The following TENM4 variants were observed in gnomAD, a reference collection of about 807,000 sequenced individuals.
TENM4 encodes teneurin-4.
A neutral mutation model predicts 243.3 loss-of-function variants in TENM4; 82 were observed. The ratio of observed to expected loss-of-function variants is 0.34; its 90% CI spans 0.28 to 0.40. The LOEUF is 0.40. Among genes scored for constraint, TENM4 ranks in the 10% least tolerant of loss-of-function variants. TENM4 has a pLI of 1.00. For synonymous variants in TENM4, 1,412 were observed against 1,456.3 expected, an observed-to-expected ratio of 0.97 and a Z score of 0.69; for missense variants, 3,138 against 3,673.3, an observed-to-expected ratio of 0.85 and a Z score of 3.77.
intron 19 of TENM4, among the ~76,000 whole-genome samples, chr11:78,745,162 T>C (rs189826147): frequency 1.3e-5 from 2 of 151,892 alleles, no homozygotes; most frequent in Non-Finnish European, 2.9e-5. Context: ...TATTACATCA[T>C]AATACACAAT....
intron 2 of TENM4, among the ~76,000 whole-genome samples, chr11:79,224,356 C>T (rs776670907): frequency 3.9e-5 from 6 of 152,058 alleles, no homozygotes; most frequent in Non-Finnish European, 7.4e-5. Context: ...TTGAGGAGAC[C>T]AGAACCTGAT....
chr11:79,348,580 G>C (rs1015546752), intron 1 of TENM4, among the ~76,000 whole-genome samples: 1 of 152,180 alleles, frequency 6.6e-6, no homozygotes, highest in African/African-American at 2.4e-5. Context: ...ATTAGGGTTA[G>C]ATTAGGTCAT....
chr11:79,242,326 G>C (rs1430271555), intron 2 of TENM4, among the ~76,000 whole-genome samples: 1 of 151,996 alleles, frequency 6.6e-6, no homozygotes, highest in East Asian at 1.9e-4. Flanking sequence ...CATTGCCTGT[G>C]AGGCTTAAAT....
intron 6 of TENM4, among the ~76,000 whole-genome samples, chr11:79,061,409 C>T (rs1410779966): frequency 6.6e-6 from 1 of 152,090 alleles, no homozygotes; most frequent in Admixed American, 6.6e-5. Context: ...ACCCGTCTAC[C>T]CTGAGTACAG....
chr11:78,860,109 T>C (rs1858780157), intron 10 of TENM4, among the ~76,000 whole-genome samples: 1 of 152,216 alleles, frequency 6.6e-6, no homozygotes, highest in Admixed American at 6.5e-5. Context: ...AAATAAGAAA[T>C]ATATATTCTT....
At chr11:79,141,289 T>A (rs1862279983) in intron 4 of TENM4, among the ~76,000 whole-genome samples, 1 of 151,800 alleles carries the variant, frequency 6.6e-6, no homozygotes, top group Admixed American at 6.6e-5. Context: ...CCAAATAAAA[T>A]CAGAGATGAA....
intron 3 of TENM4, among the ~76,000 whole-genome samples, chr11:79,192,140 G>A (rs1863521945): frequency 2.0e-5 from 3 of 149,528 alleles, no homozygotes; most frequent in Admixed American, 1.3e-4. Flanking sequence ...CCGGGAGGGA[G>A]GTGGGGGGGT....
At chr11:79,347,654 A>C (rs1176720773) in intron 1 of TENM4, among the ~76,000 whole-genome samples, 1 of 152,080 alleles carries the variant, frequency 6.6e-6, no homozygotes, top group African/African-American at 2.4e-5. Context: ...GCTGCTTAGC[A>C]TAGGGACCTA....
intron 12 of TENM4, among the ~76,000 whole-genome samples, chr11:78,836,708 TTTTC>T (rs1858125109): frequency 6.6e-6 from 1 of 152,190 alleles, no homozygotes; most frequent in Non-Finnish European, 1.5e-5. Context: ...CTTCTCTGTA[TTTTC>T]TAACACTAGG....
intron 16 of TENM4, among the ~76,000 whole-genome samples, chr11:78,781,473 A>G (rs1261335500): frequency 6.6e-6 from 1 of 152,224 alleles, no homozygotes; most frequent in Non-Finnish European, 1.5e-5. Context: ...AGCTTTTGGC[A>G]TGAGGTTGGT....
chr11:78,923,067 T>A (rs933611456), intron 6 of TENM4, among the ~76,000 whole-genome samples: 3 of 152,158 alleles, frequency 2.0e-5, no homozygotes, highest in African/African-American at 7.2e-5. Flanking sequence ...AGTGGTTGGT[T>A]CTTGCTATCA....
chr11:78,818,613 A>C (rs1857658893), intron 12 of TENM4, among the ~76,000 whole-genome samples: 1 of 152,244 alleles, frequency 6.6e-6, no homozygotes, highest in South Asian at 2.1e-4. Flanking sequence ...AGGTTCAGTT[A>C]GGATCCCACA....
intron 1 of TENM4, among the ~76,000 whole-genome samples, chr11:79,431,793 G>A (rs545845309): frequency 6.6e-6 from 1 of 152,326 alleles, no homozygotes; most frequent in South Asian, 2.1e-4. Context: ...AGCTCCAGAA[G>A]CTGGGTCCCT....
chr11:79,260,961 A>G (rs574089474), intron 2 of TENM4, among the ~76,000 whole-genome samples: 1 of 152,362 alleles, frequency 6.6e-6, no homozygotes, highest in South Asian at 2.1e-4. Flanking sequence ...CTTCTTGGAA[A>G]CAGAGCAAAA....
At chr11:79,278,149 G>T (rs961900565) in intron 2 of TENM4, among the ~76,000 whole-genome samples, 1 of 152,206 alleles carries the variant, frequency 6.6e-6, no homozygotes, top group Non-Finnish European at 1.5e-5. Context: ...GAAACAGTAG[G>T]TATTGATTTC....
chr11:78,671,497 T>A (rs1858324486), intron 31 of TENM4, among the ~76,000 whole-genome samples: 1 of 152,264 alleles, frequency 6.6e-6, no homozygotes, highest in Admixed American at 6.5e-5. Context: ...AGAGGCTTTA[T>A]GCTGCAAAGC....
chr11:78,905,335 CT>C (rs1856038772), intron 6 of TENM4, among the ~76,000 whole-genome samples: 2 of 152,134 alleles, frequency 1.3e-5, no homozygotes, highest in Non-Finnish European at 2.9e-5. Flanking sequence ...CATCACTCTG[CT>C]TTTTGAGTAA....
chr11:78,693,751 C>T (rs966863298), intron 28 of TENM4, among the ~76,000 whole-genome samples: 13 of 152,190 alleles, frequency 8.5e-5, no homozygotes, highest in African/African-American at 1.9e-4. Flanking sequence ...CAGTGACTCA[C>T]GCCTGTAATC....
chr11:78,846,116 G>C (rs1277782363), intron 12 of TENM4, among the ~76,000 whole-genome samples: 1 of 152,200 alleles, frequency 6.6e-6, no homozygotes, highest in Admixed American at 6.5e-5. Flanking sequence ...TGAGATGTAA[G>C]AGTAAGAATG....
Sources: allele counts gnomAD v4.1 joint callset (sites outside exome capture counted in the v4.1 genomes callset), GRCh38; gene constraint gnomAD v4.1.1; transcripts MANE v1.5; gene names NCBI Gene and HGNC (gene_info 2026-07-23, HGNC 2026-07-21).